GRIN2A: variants seen among roughly 807,000 people sequenced by gnomAD.
GRIN2A encodes glutamate ionotropic receptor NMDA type subunit 2A, also known as glutamate receptor ionotropic, NMDA 2A.
Under a neutral mutation model 113.4 loss-of-function variants are expected in GRIN2A, and 22 were observed. The observed-to-expected ratio is 0.19, with a 90% CI of 0.14 to 0.28. GRIN2A has a LOEUF of 0.28. Ranked by LOEUF, GRIN2A falls within the 10% of genes least tolerant of loss-of-function variation. GRIN2A has a pLI of 1.00. For synonymous variants in GRIN2A, 827 were observed against 738.4 expected (o/e 1.12, Z -1.94); for missense variants, 1,502 against 1,887.0 (o/e 0.80, Z 3.78).
intron 2 of GRIN2A, among the ~76,000 whole-genome samples, chr16:10,034,775 C>T (rs2046994899): frequency 6.6e-6 from 1 of 152,118 alleles, no homozygotes; most frequent in Admixed American, 6.5e-5. Flanking sequence ...GACCCCTCCA[C>T]TCATCTCAAG....
intron 10 of GRIN2A, among the ~76,000 whole-genome samples, chr16:9,805,188 G>C (rs1315054519): frequency 6.6e-6 from 1 of 152,138 alleles, no homozygotes; most frequent in Non-Finnish European, 1.5e-5. Flanking sequence ...GACACATTAG[G>C]GATGGGAACT....
intron 2 of GRIN2A, among the ~76,000 whole-genome samples, chr16:10,109,872 T>C (rs1350922467): frequency 1.3e-5 from 2 of 151,056 alleles, no homozygotes; most frequent in African/African-American, 2.4e-5. Flanking sequence ...ACACCTACTA[T>C]GTACCCACAA....
intron 3 of GRIN2A, among the ~76,000 whole-genome samples, chr16:9,925,332 T>C (rs1463238110): frequency 1.3e-5 from 2 of 152,208 alleles, no homozygotes; most frequent in Non-Finnish European, 2.9e-5. Flanking sequence ...TAACCCTCAC[T>C]CCACGTGAGT....
chr16:10,107,055 C>G (rs1294481968), intron 2 of GRIN2A, among the ~76,000 whole-genome samples: 1 of 152,162 alleles, frequency 6.6e-6, no homozygotes, highest in African/African-American at 2.4e-5. Flanking sequence ...ATCTTTACCC[C>G]TAAGGGACAT....
At chr16:9,993,136 G>C (rs1470853415) in intron 2 of GRIN2A, among the ~76,000 whole-genome samples, 1 of 152,120 alleles carries the variant, frequency 6.6e-6, no homozygotes, top group Non-Finnish European at 1.5e-5. Context: ...GGGAGGCTGA[G>C]GCCCAAGAAT....
chr16:10,059,728 A>G (rs2047518609), intron 2 of GRIN2A, among the ~76,000 whole-genome samples: 1 of 152,008 alleles, frequency 6.6e-6, no homozygotes, highest in African/African-American at 2.4e-5. Flanking sequence ...CCGAAAAAAA[A>G]AAAAAAAAAC....
At chr16:9,930,010 C>A (rs2044551959) in intron 3 of GRIN2A, among the ~76,000 whole-genome samples, 1 of 152,162 alleles carries the variant, frequency 6.6e-6, no homozygotes, top group Non-Finnish European at 1.5e-5. Flanking sequence ...GATTGACTTG[C>A]ATTGCAGGGC....
chr16:10,074,244 T>C (rs1371933700), intron 2 of GRIN2A, among the ~76,000 whole-genome samples: 1 of 152,178 alleles, frequency 6.6e-6, no homozygotes, highest in African/African-American at 2.4e-5. Flanking sequence ...GACCAGGATG[T>C]GGAGAAATAA....
intron 2 of GRIN2A, among the ~76,000 whole-genome samples, chr16:9,974,863 C>T (rs2045744436): frequency 6.6e-6 from 1 of 152,170 alleles, no homozygotes; most frequent in African/African-American, 2.4e-5. Flanking sequence ...CTGGCTAGGA[C>T]TTCCAGTACT....
At chr16:9,850,051 C>T (rs146538291) in intron 4 of GRIN2A, 90 bp from the exon 5 acceptor site, 11 of 1,085,450 alleles carry the variant, frequency 1.0e-5, no homozygotes, top group South Asian at 6.3e-5. Flanking sequence ...GACATCCATC[C>T]GTCTCAAGGG....
intron 2 of GRIN2A, among the ~76,000 whole-genome samples, chr16:10,019,246 A>G (rs1265931812): frequency 1.3e-5 from 2 of 152,202 alleles, no homozygotes; most frequent in Admixed American, 1.3e-4. Flanking sequence ...AGATATAAAC[A>G]TTTGACACAG....
intron 5 of GRIN2A, among the ~76,000 whole-genome samples, chr16:9,842,411 G>A (rs1211460488): frequency 6.6e-6 from 1 of 152,222 alleles, no homozygotes; most frequent in Non-Finnish European, 1.5e-5. Flanking sequence ...TTTGAGTTAT[G>A]CATTTCATGA....
intron 3 of GRIN2A, among the ~76,000 whole-genome samples, chr16:9,916,435 G>A (rs895310453): frequency 2.0e-5 from 3 of 152,108 alleles, no homozygotes; most frequent in African/African-American, 7.2e-5. Context: ...CGTATAAATC[G>A]AGGTCTTCTC....
chr16:9,934,263 A>G (rs1004658216), intron 3 of GRIN2A, among the ~76,000 whole-genome samples: 1 of 152,202 alleles, frequency 6.6e-6, no homozygotes, highest in African/African-American at 2.4e-5. Context: ...CTTTAGATAA[A>G]TTTCCCCCAC....
In GRIN2A at chr16:9,834,183, T is replaced by C; in HGVS notation, c.1699A>G (p.Ile567Val). Residue 567 changes from isoleucine (I) to valine (V), a missense_variant, in exon 8 of 13, where the codon ATT becomes GTT. Around this residue, in one of 7 missense-constraint regions of GRIN2A, gnomAD observed 82 missense variants for 222.7 expected, o/e 0.37. Transcript: ENST00000330684. ...ACAAAAACAGCTATGGCAGAAACAA[T>C]GAGCAGCATCACAAACATCATCACC... ...VWVMMFVMLL[I>V]VSAIAVFVFE... 1 of 1,613,550 alleles carries C rather than the reference T, an allele frequency of 6.2e-7. No homozygotes were observed. The highest frequency in any genetic ancestry group is 1.7e-5 in the Admixed American group (1 of 60,016).
intron 3 of GRIN2A, among the ~76,000 whole-genome samples, chr16:9,921,800 G>A (rs1286419579): frequency 6.6e-6 from 1 of 152,140 alleles, no homozygotes; most frequent in Non-Finnish European, 1.5e-5. Context: ...AGGTGTAGTG[G>A]AAGCAATGCA....
chr16:9,970,793 T>C (rs2045655505), intron 2 of GRIN2A: 1 of 849,714 alleles, frequency 1.2e-6, no homozygotes, highest in Non-Finnish European at 1.4e-6. Flanking sequence ...ATATTGGATA[T>C]ATCAAATATA....
At chr16:9,778,069 C>A (rs990079308) in intron 11 of GRIN2A, among the ~76,000 whole-genome samples, 1 of 152,080 alleles carries the variant, frequency 6.6e-6, no homozygotes, top group Non-Finnish European at 1.5e-5. Flanking sequence ...GTCTCAAAAA[C>A]AACAACAACA....
chr16:9,875,020 C>A (rs8062614), intron 4 of GRIN2A, among the ~76,000 whole-genome samples: 1 of 151,032 alleles, frequency 6.6e-6, no homozygotes, highest in African/African-American at 2.4e-5. Flanking sequence ...CCCAGGAGGT[C>A]GAGGCCTGCA....
Sources: gnomAD v4.1 joint callset for allele counts (sites outside exome capture counted in the v4.1 genomes callset) on GRCh38, gnomAD v4.1.1 for gene constraint, gnomAD v4.1.1 regional missense constraint, MANE v1.5 for transcripts, NCBI Gene and HGNC (gene_info 2026-07-23, HGNC 2026-07-21) for gene names.